The following ATP8B3 variants were observed in gnomAD, a reference collection of about 807,000 sequenced individuals.
The protein encoded by ATP8B3 is ATPase phospholipid transporting 8B3, also known as phospholipid-transporting ATPase IK.
ATP8B3 carries 141 observed loss-of-function variants against 140.9 expected under a neutral mutation model. The ratio of observed to expected loss-of-function variants is 1.00; its 90% CI spans 0.87 to 1.15. The LOEUF (loss-of-function observed/expected upper bound fraction) is 1.15. Ranked by LOEUF, ATP8B3 falls within the 50% of genes most tolerant of loss-of-function variation. ATP8B3 has a pLI of 0.00. For synonymous variants in ATP8B3, 765 were observed against 714.6 expected (o/e 1.07, Z -1.13); for missense variants, 1,874 against 1,740.6 (o/e 1.08, Z -1.36).
At chr19:1,811,406 C>T in intron 2 of ATP8B3, 83 bp downstream of exon 2, 1 of 1,500,590 alleles carries the variant, frequency 6.7e-7, no homozygotes, top group Admixed American at 2.1e-5. Context: ...GCAACTGGCC[C>T]CCCACCTGCC....
intron 18 of ATP8B3, among the ~76,000 whole-genome samples, chr19:1,795,126 G>T (rs1303490044): frequency 1.3e-5 from 2 of 152,134 alleles, no homozygotes; most frequent in African/African-American, 4.8e-5. Context: ...GTGGTGGCGG[G>T]CGCCTGTAGT....
At chr19:1,797,027 T>A (rs1461035296) in intron 14 of ATP8B3, 22 bp from the exon 15 acceptor site, 3 of 1,612,992 alleles carry the variant, frequency 1.9e-6, no homozygotes, top group Non-Finnish European at 2.5e-6. Context: ...CACAGCTTCC[T>A]GCTTCAGCTC....
Position 1,791,840 on chromosome 19 carries a change from C to A in ATP8B3, c.2212G>T (p.Glu738Ter). ...LQQLLGATAI[E>*]DRLQDGVPET... ...GGGACACCGTCCTGGAGTCTGTCCT[C>A]GATGGCTGTGGCTCCCAGCAGCTGG... Residue 738 changes from glutamate (E) to a stop codon, truncating the protein, a stop_gained, in exon 20 of 29, where the codon GAG becomes TAG. Transcript: ENST00000310127. LOFTEE classifies it high-confidence loss of function. 2.5e-6 allele frequency: 4 copies of A among 1,611,340 alleles called. No individual in the cohort carries two copies. The highest frequency in any genetic ancestry group is 3.4e-6 in the Non-Finnish European group (4 of 1,179,784).
In ATP8B3 at chr19:1,785,247, G is replaced by T; in HGVS notation, c.3444C>A (p.Leu1148=). ...YWTALCVATI[L]LSLGFYAIMT... ...TGATGGCGTAGAAACCAAGGCTGAG[G>T]AGGATGGTCGCCACGCACAGGGCGG... is the stretch of plus-strand genomic sequence containing the variant. Residue 1148 remains leucine (L), a synonymous_variant, in exon 27 of 29, where the codon CTC becomes CTA. Transcript: ENST00000310127. The T allele has an allele frequency of 6.2e-7, 1 of 1,609,938 alleles. No individual in the cohort carries two copies. The highest frequency in any genetic ancestry group is 1.1e-5 in the South Asian group (1 of 90,392).
rs1394377488 is a variant in ATP8B3, at chr19:1,782,407, C to T, written c.*621G>A. On this transcript the variant is annotated 3_prime_UTR_variant, in exon 29 of 29. Transcript: ENST00000310127. Reference sequence around the variant, plus strand: ...ACTCCATGGATGATGATGACTGCTTCTCCGCGGGCCACAGCTCCACCTCCA... The same window carrying T: ...ACTCCATGGATGATGATGACTGCTTTTCCGCGGGCCACAGCTCCACCTCCA... 3 of 220,686 alleles carry T rather than the reference C, an allele frequency of 1.4e-5. No individual in the cohort carries two copies. The East Asian group carries it at 3.2e-4, about 24-fold the overall frequency. 13.7% of individuals were successfully genotyped at this position (220,686 alleles called of 1,614,324 possible). A position where few individuals can be genotyped will look rare whatever the true frequency, so the allele number is the denominator to read the frequency against.
At chr19:1,791,702 A>G in intron 20 of ATP8B3, 48 bp downstream of exon 20, 1 of 1,427,052 alleles carries the variant, frequency 7.0e-7, no homozygotes, top group Non-Finnish European at 9.8e-7. Flanking sequence ...GGAAGTTTGA[A>G]GACCCATGCT....
At chr19:1,799,615 A>G (rs1028974353) in intron 14 of ATP8B3, 4 of 508,142 alleles carry the variant, frequency 7.9e-6, no homozygotes, top group Non-Finnish European at 1.0e-5. Flanking sequence ...AAAATACAAA[A>G]AAATTAGGTG....
chr19:1,806,549 A>G lies in ATP8B3; in HGVS notation c.677+79T>C. ...GATCAGGGAGCACGGAAGGTGATGGACACTTGCCGAGGCCGATGACCCTGC... is the reference window on the plus strand; with the variant it reads ...GATCAGGGAGCACGGAAGGTGATGGGCACTTGCCGAGGCCGATGACCCTGC... On this transcript the variant is annotated intron_variant, in intron 7 of 28. Coordinates refer to ENST00000310127, the MANE Select transcript of ATP8B3 (RefSeq NM_138813.4). The surrounding 1 kb of genome is among the most constrained non-coding windows in gnomAD (Gnocchi z 5.6). 6.5e-7 allele frequency: 1 copy of G among 1,539,672 alleles called. No individual in the cohort carries two copies. The highest frequency in any genetic ancestry group is 2.0e-5 in the Admixed American group (1 of 50,496).
intron 12 of ATP8B3, among the ~76,000 whole-genome samples, chr19:1,801,339 C>T (rs961394661): frequency 1.3e-4 from 20 of 151,996 alleles, no homozygotes; most frequent in South Asian, 4.1e-4. Flanking sequence ...TCTGTAGAGA[C>T]GGGGTTTCAC....
chr19:1,806,079 G>T lies in ATP8B3; in HGVS notation c.750+18C>A. ...GGGGGCGCGTGGTTCTGGGACCTCGGGGTCAACCCCAGCTCACTGGGACGA... is the reference window on the plus strand; with the variant it reads ...GGGGGCGCGTGGTTCTGGGACCTCGTGGTCAACCCCAGCTCACTGGGACGA... On this transcript the variant is annotated intron_variant, in intron 8 of 28. Transcript: ENST00000310127. This position sits in a 1 kb window ranked among gnomAD's most constrained non-coding sequence, Gnocchi z 5.6. The T allele has an allele frequency of 6.2e-7, 1 of 1,601,956 alleles. No homozygotes were observed. Among genetic ancestry groups the T allele is most frequent in the East Asian group, 2.3e-5 (1 of 44,110 alleles).
intron 12 of ATP8B3, among the ~76,000 whole-genome samples, chr19:1,801,314 G>A (rs1351023614): frequency 1.3e-5 from 2 of 151,926 alleles, no homozygotes; most frequent in East Asian, 3.9e-4. Flanking sequence ...ACCACGCCCA[G>A]CTAATTTTCG....
At chr19:1,812,089 C>G (rs1040689822) in intron 1 of ATP8B3, 97 bp downstream of exon 1, 3 of 222,906 alleles carry the variant, frequency 1.3e-5, no homozygotes, top group Non-Finnish European at 2.6e-5. Context: ...CGCTCTCCAC[C>G]CCCGCCGCCA....
rs1394536275 is a variant in ATP8B3 at position 1,784,823 on chromosome 19, G to T, written c.3656C>A (p.Ala1219Asp). Residue 1219 changes from alanine (A) to aspartate (D), a missense_variant, in exon 28 of 29, where the codon GCC becomes GAC. Physicochemically the swap from Ala to Asp is moderately radical, Grantham distance 126. This residue lies in a region of ATP8B3 where 840 missense variants were observed against 760.9 expected (regional missense o/e 1.10). Coordinates refer to ENST00000310127, the MANE Select transcript of ATP8B3 (RefSeq NM_138813.4). ...CCAGGCCCAGGCCCACCTCACCTTG[G>T]CACGTAGCTCCTTGAGGGCTGGGAA... ...VIFPALKELR[A>D]KEEKVEEGPS... 1.9e-6 allele frequency: 3 copies of T among 1,601,846 alleles called. No individual in the cohort carries two copies. In the African/African-American group the frequency reaches 4.0e-5, roughly 21 times the overall value.
At chr19:1,804,783 G>A (rs967048848) in intron 10 of ATP8B3, among the ~76,000 whole-genome samples, 8 of 152,268 alleles carry the variant, frequency 5.3e-5, no homozygotes, top group African/African-American at 1.9e-4. Context: ...TCCAGCCTGG[G>A]AGACAAGAGC....
intron 18 of ATP8B3, among the ~76,000 whole-genome samples, chr19:1,793,867 C>T (rs759104703): frequency 3.9e-5 from 6 of 152,020 alleles, no homozygotes; most frequent in African/African-American, 7.3e-5. Context: ...CTCAGCCTCC[C>T]GAGTAGCTGA....
In ATP8B3 at chr19:1,790,786, A is replaced by G; in HGVS notation, c.2349T>C (p.Asn783=). ...IGFACELLSE[N]MLILEEKEIS... ...TCTCCTTCTCCTCCAGAATGAGCAT[A>G]TTCTCTGACAGCAGCTCGCAGGCGA... Residue 783 remains asparagine, a synonymous_variant, in exon 21 of 29, where the codon AAT becomes AAC. Coordinates refer to ENST00000310127, the MANE Select transcript of ATP8B3 (RefSeq NM_138813.4). 6.2e-7 allele frequency: 1 copy of G among 1,606,380 alleles called. No individual in the cohort carries two copies. Among genetic ancestry groups the G allele is most frequent in the African/African-American group, 1.3e-5 (1 of 74,222 alleles).
rs373705249 is a variant in ATP8B3 at position 1,802,513 on chromosome 19, G to T, written c.1037C>A (p.Thr346Asn). The T allele has an allele frequency of 5.5e-5, 87 of 1,582,764 alleles. No individual in the cohort carries two copies. The highest frequency in any genetic ancestry group is 1.7e-5 in the Admixed American group (1 of 57,654). Reference protein sequence around the residue: ...LRGCRIRNTDTCYGLVIYAGF... With the variant: ...LRGCRIRNTDNCYGLVIYAGF... Reference sequence around the variant, plus strand: ...AGCATAAATGACCAGTCCATAGCAGGTGTCTGTGTTGCGAATCCTGCAGCC... The same window carrying T: ...AGCATAAATGACCAGTCCATAGCAGTTGTCTGTGTTGCGAATCCTGCAGCC... The change falls in exon 11 of 29, where the codon ACC becomes AAC. Residue 346 changes from threonine to asparagine, a missense_variant. Around this residue, in one of 3 missense-constraint regions of ATP8B3, gnomAD observed 1,032 missense variants for 963.6 expected, o/e 1.07. Coordinates refer to ENST00000310127, the MANE Select transcript of ATP8B3 (RefSeq NM_138813.4).
At position 1,807,269 on chromosome 19, in the gene ATP8B3, G is replaced by A; in HGVS notation, c.517-3C>T. The stretch of plus-strand genomic sequence containing the variant: ...AGCGTGGAGATGTCGGGAATGCTCT[G>A]ACGTGAGGGGGCCACAGGAAGGGTC... On this transcript the variant is annotated splice_region_variant and splice_polypyrimidine_tract_variant and intron_variant, in intron 5 of 28. Coordinates refer to ENST00000310127, the MANE Select transcript of ATP8B3 (RefSeq NM_138813.4). This position sits in a 1 kb window ranked among gnomAD's most constrained non-coding sequence, Gnocchi z 5.9. 3 of 1,610,174 alleles carry A rather than the reference G, an allele frequency of 1.9e-6. No individual in the cohort carries two copies. Among genetic ancestry groups the A allele is most frequent in the South Asian group, 2.2e-5 (2 of 90,994 alleles).
At chr19:1,791,919 C>G in intron 19 of ATP8B3, 58 bp from the exon 20 acceptor site, 1 of 1,599,524 alleles carries the variant, frequency 6.3e-7, no homozygotes, top group Non-Finnish European at 8.5e-7. Context: ...AGCTCCCTGG[C>G]GGGGGCAGGA....
Sources: allele counts gnomAD v4.1 joint callset (sites outside exome capture counted in the v4.1 genomes callset), GRCh38; gene constraint gnomAD v4.1.1; regional missense constraint gnomAD v4.1.1; non-coding constraint Gnocchi (gnomAD v3.1); transcripts MANE v1.5; gene names NCBI Gene and HGNC (gene_info 2026-07-23, HGNC 2026-07-21).